HS6ST3: variants seen among roughly 807,000 people sequenced by gnomAD.
HS6ST3 encodes heparan-sulfate 6-O-sulfotransferase 3.
In HS6ST3, 12 loss-of-function variants were observed where a neutral mutation model predicts 36.7. The observed-to-expected ratio is 0.33, with a 90% CI of 0.21 to 0.53. HS6ST3 has a LOEUF of 0.53. Ranked by LOEUF, HS6ST3 falls within the 20% of genes least tolerant of loss-of-function variation. HS6ST3 has a pLI of 0.95. For synonymous variants in HS6ST3, 240 were observed against 257.5 expected (o/e 0.93, Z 0.65); for missense variants, 584 against 640.9 (o/e 0.91, Z 0.96).
At position 96,835,869 on chromosome 13, in the gene HS6ST3, G is replaced by C. The variant is rs1878915138; in HGVS notation, c.*2671G>C. 1 of 152,146 alleles carries C rather than the reference G, an allele frequency of 6.6e-6. No homozygotes were observed. The highest frequency in any genetic ancestry group is 1.5e-5 in the Non-Finnish European group (1 of 68,032). The allele number at this position is 152,146 out of a possible 1,614,324, so 9.4% of individuals were successfully genotyped here. ...CGGCTCCACTTGAGACCAGGTATCAGGATGTTCAGAGGGAGCCAGCTCTTT... is the reference window on the plus strand; with the variant it reads ...CGGCTCCACTTGAGACCAGGTATCACGATGTTCAGAGGGAGCCAGCTCTTT... On this transcript the variant is annotated 3_prime_UTR_variant, in exon 2 of 2. Coordinates refer to ENST00000376705, the MANE Select transcript of HS6ST3 (RefSeq NM_153456.4).
intron 1 of HS6ST3, among the ~76,000 whole-genome samples, chr13:96,566,678 G>A (rs932863985): frequency 6.6e-6 from 1 of 152,104 alleles, no homozygotes; most frequent in African/African-American, 2.4e-5. Flanking sequence ...ATAATTGTAG[G>A]ATAGTACTTA....
At chr13:96,413,163 T>C (rs1400991629) in intron 1 of HS6ST3, among the ~76,000 whole-genome samples, 1 of 152,224 alleles carries the variant, frequency 6.6e-6, no homozygotes, top group Non-Finnish European at 1.5e-5. Context: ...TTCACTGTCA[T>C]TATCACATGA....
intron 1 of HS6ST3, among the ~76,000 whole-genome samples, chr13:96,304,685 TTC>T (rs1259786564): frequency 8.0e-5 from 7 of 87,366 alleles, no homozygotes; most frequent in Non-Finnish European, 1.3e-4. Flanking sequence ...ATGTTTTTCT[TTC>T]TTTCTTTCTT....
At chr13:96,578,422 C>T (rs770121421) in intron 1 of HS6ST3, among the ~76,000 whole-genome samples, 26 of 152,164 alleles carry the variant, frequency 1.7e-4, no homozygotes, top group African/African-American at 6.0e-4. Flanking sequence ...ACACACTTGA[C>T]GAAGGCACTG....
chr13:96,655,144 G>A (rs185460757), intron 1 of HS6ST3, among the ~76,000 whole-genome samples: 122 of 152,206 alleles, frequency 8.0e-4, no homozygotes, highest in African/African-American at 2.6e-3. Context: ...GCCAATATCC[G>A]TCAAGGGAGA....
chr13:96,425,296 C>T (rs1254372981), intron 1 of HS6ST3, among the ~76,000 whole-genome samples: 2 of 152,120 alleles, frequency 1.3e-5, no homozygotes, highest in African/African-American at 4.8e-5. Flanking sequence ...TTATATCCTG[C>T]AGTTTGCTGC....
At chr13:96,640,068 TG>T (rs907031163) in intron 1 of HS6ST3, among the ~76,000 whole-genome samples, 5 of 151,448 alleles carry the variant, frequency 3.3e-5, no homozygotes, top group African/African-American at 1.2e-4. Context: ...TTTTGGTGGG[TG>T]GGGGGGTATA....
At chr13:96,242,412 T>A (rs1365062321) in intron 1 of HS6ST3, among the ~76,000 whole-genome samples, 1 of 151,732 alleles carries the variant, frequency 6.6e-6, no homozygotes, top group Non-Finnish European at 1.5e-5. Context: ...GAGATGGGGT[T>A]TTTGCCATGT....
intron 1 of HS6ST3, among the ~76,000 whole-genome samples, chr13:96,418,933 A>C (rs547870462): frequency 1.3e-5 from 2 of 152,332 alleles, no homozygotes; most frequent in South Asian, 4.1e-4. Flanking sequence ...TCAAGGCAGG[A>C]GGGATCTGAC....
intron 1 of HS6ST3, among the ~76,000 whole-genome samples, chr13:96,338,610 TC>T (rs1260477521): frequency 1.3e-5 from 2 of 152,144 alleles, no homozygotes; most frequent in Non-Finnish European, 2.9e-5. Context: ...TTCCAGAGAC[TC>T]CCGGTGCCTC....
intron 1 of HS6ST3, among the ~76,000 whole-genome samples, chr13:96,541,280 A>G (rs902212764): frequency 6.6e-6 from 1 of 151,706 alleles, no homozygotes; most frequent in Non-Finnish European, 1.5e-5. Context: ...CAAATGATCC[A>G]CCCGCCTTAG....
At chr13:96,176,300 C>T (rs1353780375) in intron 1 of HS6ST3, among the ~76,000 whole-genome samples, 2 of 152,038 alleles carry the variant, frequency 1.3e-5, no homozygotes, top group African/African-American at 2.4e-5. Flanking sequence ...GTGTGTCATG[C>T]GTTTCTTATA....
intron 1 of HS6ST3, among the ~76,000 whole-genome samples, chr13:96,495,820 A>C (rs1473557232): frequency 1.3e-5 from 2 of 152,214 alleles, no homozygotes; most frequent in South Asian, 2.1e-4. Flanking sequence ...CATTGTGAGC[A>C]AAACATCATA....
chr13:96,176,982 A>G (rs867600356), intron 1 of HS6ST3, among the ~76,000 whole-genome samples: 23 of 152,340 alleles, frequency 1.5e-4, no homozygotes, highest in South Asian at 8.3e-4. Flanking sequence ...ACACTTCTGA[A>G]AAGAAGACAT....
rs1219517029 is a variant in HS6ST3 at position 96,122,140 on chromosome 13, T to TTATTAC, written c.707+30576_707+30577insCTATTA. Among the ~76,000 whole-genome samples the TTATTAC allele has an allele frequency of 8.8e-5, 13 of 147,774 alleles. No individual in the cohort carries two copies. In the South Asian group the frequency reaches 1.3e-3, roughly 14 times the overall value. ...ATTATTATTATTATTATTATTACTATTATTATTATTTGCTATTTTACAGCT... is the reference window on the plus strand; with the variant it reads ...ATTATTATTATTATTATTATTACTATTATTACTATTATTATTTGCTATTTTACAGCT... On this transcript the variant is annotated intron_variant, in intron 1 of 1. Transcript: ENST00000376705.
chr13:96,754,636 A>G (rs752030281), intron 1 of HS6ST3, among the ~76,000 whole-genome samples: 35 of 152,180 alleles, frequency 2.3e-4, no homozygotes, highest in Non-Finnish European at 4.4e-4. Flanking sequence ...CTAGGTTGAG[A>G]GTTTTTAATT....
chr13:96,489,268 A>G (rs2055932554), intron 1 of HS6ST3, among the ~76,000 whole-genome samples: 1 of 151,924 alleles, frequency 6.6e-6, no homozygotes, highest in Admixed American at 6.6e-5. Flanking sequence ...TATAGAACAA[A>G]CTCCAGTCAG....
At chr13:96,166,855 G>T in intron 1 of HS6ST3, among the ~76,000 whole-genome samples, 1 of 152,040 alleles carries the variant, frequency 6.6e-6, no homozygotes, top group Admixed American at 6.6e-5. Flanking sequence ...TCATGGGGGT[G>T]GTTTCTGCCA....
At chr13:96,286,181 A>G (rs1021982318) in intron 1 of HS6ST3, among the ~76,000 whole-genome samples, 1 of 152,120 alleles carries the variant, frequency 6.6e-6, no homozygotes, top group Non-Finnish European at 1.5e-5. Flanking sequence ...ACAAGTGGCA[A>G]TCTCAGAGAA....
Sources: allele counts gnomAD v4.1 joint callset (sites outside exome capture counted in the v4.1 genomes callset), GRCh38; gene constraint gnomAD v4.1.1; transcripts MANE v1.5; gene names NCBI Gene and HGNC (gene_info 2026-07-23, HGNC 2026-07-21).